The following VDAC1 variants were observed in gnomAD, a reference collection of about 807,000 sequenced individuals.
VDAC1 encodes the protein voltage dependent anion channel 1.
In VDAC1, 10 loss-of-function variants were observed where a neutral mutation model predicts 34.7. That is an observed-to-expected ratio of 0.29 (90% CI 0.18 to 0.49). The LOEUF (loss-of-function observed/expected upper bound fraction) is 0.49, where lower values mean the gene tolerates loss of function less well. Among genes scored for constraint, VDAC1 ranks in the 20% least tolerant of loss-of-function variants. The pLI is 0.99. For synonymous variants in VDAC1, 130 were observed against 136.0 expected, an observed-to-expected ratio of 0.96 and a Z score of 0.30; for missense variants, 230 against 347.9, an observed-to-expected ratio of 0.66 and a Z score of 2.69.
At chr5:134,042,571 G>A in the VDAC1 span, among the ~76,000 whole-genome samples, 1 of 152,036 alleles carries the variant, frequency 6.6e-6, no homozygotes, top group African/African-American at 2.4e-5. Context: ...TCAGCTCACT[G>A]CAACCTCCGC....
the VDAC1 span, among the ~76,000 whole-genome samples, chr5:134,101,617 C>G: frequency 4.2e-4 from 64 of 151,906 alleles, no homozygotes; most frequent in Non-Finnish European, 8.2e-4. Flanking sequence ...GGCGTCGGCA[C>G]AGGAGGTAAT....
the VDAC1 span, among the ~76,000 whole-genome samples, chr5:134,030,684 C>G: frequency 6.6e-6 from 1 of 151,896 alleles, no homozygotes; most frequent in East Asian, 1.9e-4. Flanking sequence ...CTCAGCTCAC[C>G]GCAACCTCCA....
At chr5:134,041,178 C>T in the VDAC1 span, among the ~76,000 whole-genome samples, 2 of 152,210 alleles carry the variant, frequency 1.3e-5, no homozygotes, top group Admixed American at 6.5e-5. Flanking sequence ...TTGGCTGACC[C>T]GCAGGCTCCT....
chr5:134,082,618 A>G, the VDAC1 span, among the ~76,000 whole-genome samples: 3 of 152,230 alleles, frequency 2.0e-5, no homozygotes, highest in Non-Finnish European at 2.9e-5. Flanking sequence ...TAATAGATAC[A>G]TGTTTATCTT....
the VDAC1 span, among the ~76,000 whole-genome samples, chr5:134,071,400 C>G: frequency 6.6e-6 from 1 of 152,302 alleles, no homozygotes; most frequent in African/African-American, 2.4e-5. This position sits in a 1 kb window ranked among gnomAD's most constrained non-coding sequence, Gnocchi z 4.1. Context: ...CCAGCCGCGC[C>G]AGCTGTGCAG....
chr5:133,994,031 C>T (rs1032034734), intron 1 of VDAC1, among the ~76,000 whole-genome samples: 1 of 152,184 alleles, frequency 6.6e-6, no homozygotes, highest in Non-Finnish European at 1.5e-5. Context: ...CCATTCCATT[C>T]GTTTTAAAAT....
chr5:134,106,689 A>G, the VDAC1 span, among the ~76,000 whole-genome samples: 45 of 152,254 alleles, frequency 3.0e-4, no homozygotes, highest in East Asian at 7.5e-3. Context: ...TACAGGCGTG[A>G]GCCACCGCGC....
intron 7 of VDAC1, 133 bp from the exon 8 acceptor site, chr5:133,973,981 G>A: frequency 1.4e-6 from 1 of 710,884 alleles, no homozygotes; most frequent in Non-Finnish European, 2.4e-6. Flanking sequence ...CCTTGTTCAT[G>A]AGATTCATTA....
At chr5:133,983,105 C>A (rs567515816) in intron 5 of VDAC1, among the ~76,000 whole-genome samples, 2 of 149,504 alleles carry the variant, frequency 1.3e-5, no homozygotes, top group African/African-American at 4.9e-5. Flanking sequence ...CAAAATTAGC[C>A]GGGTGTGGTG....
the VDAC1 span, among the ~76,000 whole-genome samples, chr5:134,091,917 G>C: frequency 6.6e-6 from 1 of 152,228 alleles, no homozygotes; most frequent in Non-Finnish European, 1.5e-5. Context: ...CTTCATGCAG[G>C]CTGGGTGTGT....
At chr5:134,009,790 C>A (rs928450509), upstream of VDAC1, among the ~76,000 whole-genome samples, 3 of 151,728 alleles carry the variant, frequency 2.0e-5, no homozygotes, top group African/African-American at 7.3e-5. Flanking sequence ...AAGCTATTCT[C>A]ATGCCTCAGC....
the VDAC1 span, among the ~76,000 whole-genome samples, chr5:134,013,955 C>T: frequency 6.8e-6 from 1 of 146,972 alleles, no homozygotes; most frequent in Non-Finnish European, 1.5e-5. Context: ...TCCCACCCCC[C>T]GAAAAAAAGT....
the VDAC1 span, among the ~76,000 whole-genome samples, chr5:134,055,628 C>T: frequency 3.0e-5 from 3 of 98,832 alleles, no homozygotes; most frequent in Non-Finnish European, 5.8e-5. Context: ...TTAGTAGAGA[C>T]AGGGTTTCAC....
At chr5:134,078,655 T>TTTTTTTG in the VDAC1 span, among the ~76,000 whole-genome samples, 1 of 118,252 alleles carries the variant, frequency 8.5e-6, no homozygotes, top group Non-Finnish European at 1.7e-5. Context: ...ATCTTTTTTT[T>TTTTTTTG]TTTTTTTTTT....
chr5:134,077,923 C>T, the VDAC1 span, among the ~76,000 whole-genome samples: 2 of 152,024 alleles, frequency 1.3e-5, no homozygotes, highest in Non-Finnish European at 2.9e-5. Flanking sequence ...TGAAAAAAGA[C>T]CCTTCCCTTT....
the VDAC1 span, among the ~76,000 whole-genome samples, chr5:134,102,550 C>G: frequency 1.3e-5 from 2 of 151,978 alleles, no homozygotes; most frequent in Non-Finnish European, 2.9e-5. Flanking sequence ...AACCTGTAAT[C>G]CCAGCTACTC....
intron 8 of VDAC1, 131 bp from the exon 9 acceptor site, chr5:133,972,993 C>T: frequency 1.4e-6 from 1 of 695,342 alleles, no homozygotes; most frequent in Non-Finnish European, 2.5e-6. Context: ...GCCCTTCAAT[C>T]CTTGTTACTT....
At chr5:133,996,179 G>T (rs1753298113) in intron 1 of VDAC1, among the ~76,000 whole-genome samples, 1 of 152,222 alleles carries the variant, frequency 6.6e-6, no homozygotes, top group South Asian at 2.1e-4. Flanking sequence ...GGCAGAGCCT[G>T]GGGGCTTTGT....
At chr5:134,095,339 T>C in the VDAC1 span, among the ~76,000 whole-genome samples, 140,073 of 151,786 alleles carry the variant, frequency 0.92, 64,645 homozygotes, top group African/African-American at 0.95. Flanking sequence ...TAAAATTAGC[T>C]GGGTATGGTG....
Sources: gnomAD v4.1 joint callset for allele counts (sites outside exome capture counted in the v4.1 genomes callset) on GRCh38, gnomAD v4.1.1 for gene constraint, Gnocchi (gnomAD v3.1) non-coding constraint, MANE v1.5 for transcripts, NCBI Gene and HGNC (gene_info 2026-07-23, HGNC 2026-07-21) for gene names.